The following FUOM variants were observed in gnomAD, a reference collection of about 807,000 sequenced individuals.
The protein encoded by FUOM is protein fucU homolog.
FUOM carries 19 observed loss-of-function variants against 18.3 expected under a neutral mutation model. The ratio of observed to expected loss-of-function variants is 1.04; its 90% CI spans 0.73 to 1.53. The LOEUF (loss-of-function observed/expected upper bound fraction) is 1.53, where lower values mean the gene tolerates loss of function less well. Among genes scored for constraint, FUOM ranks in the 40% most tolerant of loss-of-function variants. The probability of loss-of-function intolerance (pLI) is 0.00; values close to 1 mark genes in which losing one functional copy is unlikely to be tolerated. For synonymous variants in FUOM, 102 were observed against 87.9 expected (o/e 1.16, Z -0.90); for missense variants, 210 against 200.9 (o/e 1.04, Z -0.27).
In FUOM at chr10:133,355,298, T is replaced by G; in HGVS notation, c.*72A>C. 1 of 1,503,562 alleles carries G rather than the reference T, an allele frequency of 6.7e-7. No homozygotes were observed. The highest frequency in any genetic ancestry group is 2.4e-5 in the East Asian group (1 of 40,916). 93.1% of individuals were successfully genotyped at this position (1,503,562 alleles called of 1,614,324 possible). On this transcript the variant is annotated 3_prime_UTR_variant, in exon 6 of 6. Transcript: ENST00000278025. Reference sequence around the variant, plus strand: ...GTCTGGGAGCTGCCACTGGGAGGCCTGTTGTGAGTGGTGGTACTGGAGCTC... The same window carrying G: ...GTCTGGGAGCTGCCACTGGGAGGCCGGTTGTGAGTGGTGGTACTGGAGCTC...
At chr10:133,357,378 T>C in intron 1 of FUOM, 123 bp from the exon 2 acceptor site, 1 of 984,180 alleles carries the variant, frequency 1.0e-6, no homozygotes, top group Admixed American at 2.1e-5. Context: ...GGTCAGCCAG[T>C]TGGGCGCCCC....
Position 133,355,330 on chromosome 10 carries a change from C to A in FUOM, c.*40G>T. Reference sequence around the variant, plus strand: ...AGTGGTGGTACTGGAGCTCAGGGTGCCCCCAGTTCCTCTTCCGGCCCAGGT... The same window carrying A: ...AGTGGTGGTACTGGAGCTCAGGGTGACCCCAGTTCCTCTTCCGGCCCAGGT... On this transcript the variant is annotated 3_prime_UTR_variant, in exon 6 of 6. Coordinates refer to ENST00000278025, the MANE Select transcript of FUOM (RefSeq NM_001098483.3). 1 of 1,557,202 alleles carries A rather than the reference C, an allele frequency of 6.4e-7. No individual in the cohort carries two copies.
At chr10:133,356,394 G>A (rs550844777) in intron 4 of FUOM, among the ~76,000 whole-genome samples, 1 of 152,340 alleles carries the variant, frequency 6.6e-6, no homozygotes, top group East Asian at 1.9e-4. Flanking sequence ...CCACCTGGCA[G>A]GTCAGGATCC....
chr10:133,357,308 C>A, intron 1 of FUOM, 53 bp from the exon 2 acceptor site: 1 of 1,515,540 alleles, frequency 6.6e-7, no homozygotes, highest in South Asian at 1.2e-5. Context: ...CCCTCGGGGT[C>A]GGCGCCGCCC....
At chr10:133,354,813 A>C (rs1195631001), downstream of FUOM, among the ~76,000 whole-genome samples, 1 of 152,118 alleles carries the variant, frequency 6.6e-6, no homozygotes, top group African/African-American at 2.4e-5. Context: ...CATGGCCCAC[A>C]CCGAGGCCTC....
Position 133,357,257 on chromosome 10 carries a change from TA to T in FUOM, c.86-3del, listed in dbSNP as rs763765648. ...CCGGGAAGTTCAAGTCCGCAAGAACTAAACAGCCGGGAGGACAGCCCGTGTC... is the reference window on the plus strand; with the variant it reads ...CCGGGAAGTTCAAGTCCGCAAGAACTAACAGCCGGGAGGACAGCCCGTGTC... On this transcript the variant is annotated splice_region_variant and splice_polypyrimidine_tract_variant and intron_variant, in intron 1 of 5. Coordinates refer to ENST00000278025, the MANE Select transcript of FUOM (RefSeq NM_001098483.3). 1.3e-5 allele frequency: 21 copies of T among 1,573,552 alleles called. No individual in the cohort carries two copies. Among genetic ancestry groups the T allele is most frequent in the South Asian group, 1.2e-5 (1 of 85,798 alleles).
At position 133,355,187 on chromosome 10, in the gene FUOM, TC is replaced by T; in HGVS notation, c.*182del. 1 of 641,154 alleles carries T rather than the reference TC, an allele frequency of 1.6e-6. No individual in the cohort carries two copies. Among genetic ancestry groups the T allele is most frequent in the Non-Finnish European group, 2.7e-6 (1 of 375,348 alleles). 39.7% of individuals were successfully genotyped at this position (641,154 alleles called of 1,614,324 possible). ...ACTCTTGAGACTGAACGTTTTTCCA[TC>T]ATTTTCACAAATCAGGGATACTCGT... is the stretch of plus-strand genomic sequence containing the variant. On this transcript the variant is annotated 3_prime_UTR_variant, in exon 6 of 6. Coordinates refer to ENST00000278025, the MANE Select transcript of FUOM (RefSeq NM_001098483.3).
In FUOM at chr10:133,358,013, G is replaced by A. The variant is rs1046577426; in HGVS notation, c.-6C>T. The A allele has an allele frequency of 6.7e-7, 1 of 1,489,928 alleles. No individual in the cohort carries two copies. The highest frequency in any genetic ancestry group is 1.5e-5 in the African/African-American group (1 of 68,566). 92.3% of individuals were successfully genotyped at this position (1,489,928 alleles called of 1,614,324 possible). ...ACACCCTTCAGCGCCACCATGGCCC[G>A]GCAGACGGGGCGGGCGGGGCCTAGG... On this transcript the variant is annotated 5_prime_UTR_variant, in exon 1 of 6. Coordinates refer to ENST00000278025, the MANE Select transcript of FUOM (RefSeq NM_001098483.3).
At chr10:133,353,889 C>T (rs527527933), downstream of FUOM, among the ~76,000 whole-genome samples, 4 of 151,858 alleles carry the variant, frequency 2.6e-5, no homozygotes, top group African/African-American at 7.2e-5. Flanking sequence ...CCCTGAGCCC[C>T]AGGCAGGTAG....
downstream of FUOM, among the ~76,000 whole-genome samples, chr10:133,353,964 C>CG: frequency 7.2e-6 from 1 of 138,716 alleles, no homozygotes; most frequent in Non-Finnish European, 1.6e-5. Context: ...GTGTTTGTGG[C>CG]TTTTTTTTTT....
chr10:133,354,951 C>T (rs1366395790), downstream of FUOM, among the ~76,000 whole-genome samples: 1 of 152,102 alleles, frequency 6.6e-6, no homozygotes, highest in African/African-American at 2.4e-5. Context: ...GGCAGAAGTC[C>T]CCACCCCTCT....
chr10:133,356,919 G>T (rs776778228), intron 3 of FUOM, 24 bp downstream of exon 3: 4 of 1,548,620 alleles, frequency 2.6e-6, no homozygotes, highest in South Asian at 1.2e-5. Flanking sequence ...GAGCAGCAGG[G>T]TGCAGGGGCG....
Position 133,357,932 on chromosome 10 carries a change from C to T in FUOM, c.76G>A (p.Asp26Asn), listed in dbSNP as rs765729037. Residue 26 changes from aspartate to asparagine, a missense_variant, in exon 1 of 6, where the codon GAC becomes AAC. Asp to Asn is a conservative substitution (Grantham distance 23). Transcript: ENST00000278025. The part of the protein sequence containing the change: ...LYALARMGHG[D>N]EIVLADLNFP... ...GGCCCGCTGCGCTCACCGATCTCGT[C>T]CCCGTGCCCCATCCGCGCCAGCGCG... is the stretch of plus-strand genomic sequence containing the variant. 1.3e-6 allele frequency: 2 copies of T among 1,524,474 alleles called. No homozygotes were observed. Among genetic ancestry groups the T allele is most frequent in the African/African-American group, 1.4e-5 (1 of 70,064 alleles). The allele number at this position is 1,524,474 out of a possible 1,614,324, so 94.4% of individuals were successfully genotyped here.
chr10:133,355,946 G>A, intron 4 of FUOM, 135 bp from the exon 5 acceptor site: 1 of 762,588 alleles, frequency 1.3e-6, no homozygotes, highest in South Asian at 1.5e-5. Flanking sequence ...CCCCCGGCAA[G>A]GGCCCCACGG....
At chr10:133,354,997 C>T (rs1257801520), downstream of FUOM, among the ~76,000 whole-genome samples, 1 of 152,084 alleles carries the variant, frequency 6.6e-6, no homozygotes, top group Non-Finnish European at 1.5e-5. Flanking sequence ...CCCACTCCAG[C>T]CCTTGGTGTC....
chr10:133,357,076 C>A, intron 2 of FUOM, 63 bp from the exon 3 acceptor site: 2 of 1,540,730 alleles, frequency 1.3e-6, no homozygotes, highest in Non-Finnish European at 1.8e-6. Context: ...TGTCTGCACC[C>A]TTCACACTGC....
At position 133,357,913 on chromosome 10, in the gene FUOM, C is replaced by CTA. The variant is rs1848865203; in HGVS notation, c.85+9_85+10insTA. ...GGGTGCTCCCCGAGGCCCCGGCCCG[C>CTA]TGCGCTCACCGATCTCGTCCCCGTG... On this transcript the variant is annotated intron_variant, in intron 1 of 5. Coordinates refer to ENST00000278025, the MANE Select transcript of FUOM (RefSeq NM_001098483.3). 1.3e-6 allele frequency: 2 copies of CTA among 1,521,462 alleles called. No individual in the cohort carries two copies. The highest frequency in any genetic ancestry group is 1.8e-6 in the Non-Finnish European group (2 of 1,138,700). 94.2% of individuals were successfully genotyped at this position (1,521,462 alleles called of 1,614,324 possible).
intron 1 of FUOM, 149 bp from the exon 2 acceptor site, chr10:133,357,404 G>T: frequency 1.3e-6 from 1 of 762,408 alleles, no homozygotes; most frequent in Non-Finnish European, 2.2e-6. Flanking sequence ...CCGACCGGCC[G>T]CAGTCAGATC....
intron 5 of FUOM, 74 bp downstream of exon 5, chr10:133,355,664 C>T (rs1193770701): frequency 2.1e-5 from 33 of 1,552,094 alleles, no homozygotes; most frequent in Non-Finnish European, 2.8e-5. Context: ...GCTCCTGAGG[C>T]CCCCCGGTGG....
Sources: gnomAD v4.1 joint callset for allele counts (sites outside exome capture counted in the v4.1 genomes callset) on GRCh38, gnomAD v4.1.1 for gene constraint, MANE v1.5 for transcripts, NCBI Gene and HGNC (gene_info 2026-07-23, HGNC 2026-07-21) for gene names.